HSD17B3: variants seen among roughly 807,000 people sequenced by gnomAD.
The protein encoded by HSD17B3 is 17-beta-hydroxysteroid dehydrogenase type 3.
HSD17B3 carries 29 observed loss-of-function variants against 41.1 expected under a neutral mutation model. The ratio of observed to expected loss-of-function variants is 0.71; its 90% CI spans 0.53 to 0.96. HSD17B3 has a LOEUF of 0.96. Ranked by LOEUF, HSD17B3 falls within the 40% of genes least tolerant of loss-of-function variation. HSD17B3 has a pLI of 0.00. For missense variants in HSD17B3, 323 were observed against 374.6 expected (o/e 0.86, Z 1.14); for synonymous variants, 126 against 145.6 (o/e 0.87, Z 0.97).
chr9:96,250,551 G>C, intron 5 of HSD17B3: 2 of 855,236 alleles, frequency 2.3e-6, no homozygotes, highest in Non-Finnish European at 2.9e-6. Flanking sequence ...TGACTCCAAA[G>C]GTCAGGGCCT....
chr9:96,284,865 G>C (rs1022520957), intron 2 of HSD17B3, among the ~76,000 whole-genome samples: 21 of 147,750 alleles, frequency 1.4e-4, no homozygotes, highest in African/African-American at 5.0e-4. Flanking sequence ...TTGAAACGGA[G>C]TCTTGCTCTG....
intron 2 of HSD17B3, among the ~76,000 whole-genome samples, chr9:96,270,848 C>T (rs1826212070): frequency 6.7e-6 from 1 of 149,268 alleles, no homozygotes; most frequent in African/African-American, 2.5e-5. Context: ...ATTCTCTGAG[C>T]AATAACAGCC....
chr9:96,249,028 C>A (rs1393182916), intron 6 of HSD17B3, among the ~76,000 whole-genome samples: 1 of 152,050 alleles, frequency 6.6e-6, no homozygotes, highest in Non-Finnish European at 1.5e-5. Flanking sequence ...GCCTCAGCCT[C>A]CTGAGTAGCT....
intron 10 of HSD17B3, among the ~76,000 whole-genome samples, chr9:96,236,689 C>T (rs535534295): frequency 6.6e-6 from 1 of 152,198 alleles, no homozygotes; most frequent in East Asian, 1.9e-4. Flanking sequence ...TATCAACATG[C>T]AGCACTTGCT....
chr9:96,249,195 G>A (rs865801705), intron 6 of HSD17B3, among the ~76,000 whole-genome samples: 3 of 152,146 alleles, frequency 2.0e-5, no homozygotes, highest in East Asian at 1.9e-4. Flanking sequence ...GAGCCACCAC[G>A]CCCAGCCAAT....
intron 9 of HSD17B3, among the ~76,000 whole-genome samples, chr9:96,243,446 C>G (rs1419586697): frequency 6.6e-6 from 1 of 152,190 alleles, no homozygotes; most frequent in Admixed American, 6.5e-5. Flanking sequence ...AAGCTTTACC[C>G]TGTAGCTGGT....
intron 2 of HSD17B3, among the ~76,000 whole-genome samples, chr9:96,263,391 T>C (rs970505334): frequency 6.6e-6 from 1 of 152,004 alleles, no homozygotes; most frequent in Non-Finnish European, 1.5e-5. Context: ...GATTACAGTG[T>C]AGCAAAGACA....
intron 7 of HSD17B3, 31 bp downstream of exon 7, chr9:96,246,525 T>G: frequency 6.2e-7 from 1 of 1,610,940 alleles, no homozygotes; most frequent in Non-Finnish European, 8.5e-7. Flanking sequence ...GGAGGCCATG[T>G]TGCTCCACAC....
chr9:96,254,474 CA>C (rs1408181934), intron 3 of HSD17B3, among the ~76,000 whole-genome samples: 2 of 152,200 alleles, frequency 1.3e-5, no homozygotes, highest in African/African-American at 4.8e-5. Flanking sequence ...GTTTAGCAAA[CA>C]AACATTGCTG....
intron 2 of HSD17B3, among the ~76,000 whole-genome samples, chr9:96,290,178 A>G (rs1208528126): frequency 2.0e-5 from 3 of 151,790 alleles, no homozygotes; most frequent in Admixed American, 6.6e-5. Flanking sequence ...CCTCTCCACA[A>G]TTTTTTCCCA....
At chr9:96,248,934 C>G (rs978533985) in intron 6 of HSD17B3, among the ~76,000 whole-genome samples, 1 of 148,922 alleles carries the variant, frequency 6.7e-6, no homozygotes, top group African/African-American at 2.5e-5. Flanking sequence ...GAGACAGAGA[C>G]TTTCTCTGTC....
At chr9:96,283,758 G>C (rs1826798592) in intron 2 of HSD17B3, among the ~76,000 whole-genome samples, 1 of 152,008 alleles carries the variant, frequency 6.6e-6, no homozygotes, top group East Asian at 1.9e-4. Context: ...TTTGGAAGAT[G>C]GTTTATAACT....
intron 2 of HSD17B3, among the ~76,000 whole-genome samples, chr9:96,296,837 T>C (rs1478377938): frequency 2.0e-5 from 3 of 151,022 alleles, no homozygotes; most frequent in Non-Finnish European, 4.4e-5. Context: ...AGCTCAGGAG[T>C]TCAAGACCAG....
intron 2 of HSD17B3, among the ~76,000 whole-genome samples, chr9:96,256,586 G>A (rs987985576): frequency 2.0e-5 from 3 of 152,076 alleles, no homozygotes; most frequent in African/African-American, 4.8e-5. Context: ...CAGGAGAATC[G>A]CTTGAACCCA....
At chr9:96,279,708 G>A (rs535847326) in intron 2 of HSD17B3, among the ~76,000 whole-genome samples, 2 of 151,942 alleles carry the variant, frequency 1.3e-5, no homozygotes, top group Non-Finnish European at 2.9e-5. Flanking sequence ...AAAATACTTT[G>A]ATTTCTTTTA....
At chr9:96,238,078 C>T (rs568283344) in intron 10 of HSD17B3, among the ~76,000 whole-genome samples, 4 of 152,210 alleles carry the variant, frequency 2.6e-5, no homozygotes, top group Non-Finnish European at 5.9e-5. Flanking sequence ...AAAGAGGCTG[C>T]GGTGAGTTGT....
intron 2 of HSD17B3, among the ~76,000 whole-genome samples, chr9:96,269,635 G>A (rs1415907948): frequency 6.6e-6 from 1 of 152,122 alleles, no homozygotes; most frequent in Non-Finnish European, 1.5e-5. Flanking sequence ...CGGGTGTGAT[G>A]GCTCATGCCT....
intron 4 of HSD17B3, 44 bp downstream of exon 4, chr9:96,252,759 C>T (rs527973132): frequency 1.7e-5 from 17 of 988,568 alleles, no homozygotes; most frequent in Non-Finnish European, 2.6e-5. Context: ...CAGGTTATTT[C>T]ACTGATGTAT....
intron 2 of HSD17B3, among the ~76,000 whole-genome samples, chr9:96,282,304 C>T (rs147647578): frequency 4.7e-4 from 71 of 151,922 alleles, no homozygotes; most frequent in African/African-American, 1.5e-3. Flanking sequence ...AAATAATAAG[C>T]GCTTAAATCA....
Sources: gnomAD v4.1 joint callset for allele counts (sites outside exome capture counted in the v4.1 genomes callset) on GRCh38, gnomAD v4.1.1 for gene constraint, MANE v1.5 for transcripts, NCBI Gene and HGNC (gene_info 2026-07-23, HGNC 2026-07-21) for gene names.